BTAF1: variants seen among roughly 807,000 people sequenced by gnomAD.
BTAF1 encodes the protein TATA-binding protein-associated factor 172.
A neutral mutation model predicts 227.1 loss-of-function variants in BTAF1; 38 were observed. That is an observed-to-expected ratio of 0.17 (90% CI 0.13 to 0.22). BTAF1 has a LOEUF of 0.22. BTAF1 is among the 10% of genes least tolerant of loss of function. The pLI is 1.00. For missense variants in BTAF1, 1,598 were observed against 2,204.0 expected (o/e 0.73, Z 5.51); for synonymous variants, 742 against 751.9 (o/e 0.99, Z 0.21).
At chr10:91,989,905 G>A (rs972500511) in intron 20 of BTAF1, among the ~76,000 whole-genome samples, 19 of 152,170 alleles carry the variant, frequency 1.2e-4, no homozygotes, top group Non-Finnish European at 2.6e-4. Context: ...GCTAGAAAAG[G>A]TAATTGTATC....
chr10:92,012,089 C>CT (rs1850342074), intron 30 of BTAF1, among the ~76,000 whole-genome samples: 1 of 84,126 alleles, frequency 1.2e-5, no homozygotes, highest in Non-Finnish European at 2.4e-5. Context: ...TTCCCTCCCT[C>CT]CCTCCCCTCC....
intron 19 of BTAF1, among the ~76,000 whole-genome samples, chr10:91,988,393 C>A (rs1178324512): frequency 6.6e-6 from 1 of 152,036 alleles, no homozygotes; most frequent in Non-Finnish European, 1.5e-5. Context: ...AGCATTGTAA[C>A]CCTGTTTCAA....
At chr10:91,955,560 G>A (rs942932514) in intron 6 of BTAF1, among the ~76,000 whole-genome samples, 1 of 152,140 alleles carries the variant, frequency 6.6e-6, no homozygotes, top group Non-Finnish European at 1.5e-5. Flanking sequence ...AGATAGGAAG[G>A]TCTAGGAGGG....
chr10:91,935,447 G>C (rs1844545667), intron 1 of BTAF1, among the ~76,000 whole-genome samples: 1 of 152,102 alleles, frequency 6.6e-6, no homozygotes, highest in South Asian at 2.1e-4. Context: ...TGACTTCTCT[G>C]AGATCGACTT....
At chr10:91,985,786 A>C (rs548306355) in intron 19 of BTAF1, among the ~76,000 whole-genome samples, 1 of 152,102 alleles carries the variant, frequency 6.6e-6, no homozygotes, top group Non-Finnish European at 1.5e-5. Context: ...TCTTTTCAAA[A>C]TCTTGTCTAC....
chr10:91,973,105 T>C (rs994455535), intron 14 of BTAF1, among the ~76,000 whole-genome samples: 2 of 152,182 alleles, frequency 1.3e-5, no homozygotes, highest in African/African-American at 2.4e-5. Context: ...TTCTTAGTGT[T>C]GTTAAGTATT....
At position 92,011,426 on chromosome 10, in the gene BTAF1, A is replaced by G. The variant is rs542534401; in HGVS notation, c.4311+11A>G. ...GGAACACCAATCCAGGTAATTATTTATTATTATTTTTTTTAATTATTTTTA... is the reference window on the plus strand; with the variant it reads ...GGAACACCAATCCAGGTAATTATTTGTTATTATTTTTTTTAATTATTTTTA... On this transcript the variant is annotated intron_variant, in intron 30 of 37. Coordinates refer to ENST00000265990, the MANE Select transcript of BTAF1 (RefSeq NM_003972.3). The G allele has an allele frequency of 1.7e-6, 2 of 1,194,520 alleles. No individual in the cohort carries two copies. Among genetic ancestry groups the G allele is most frequent in the South Asian group, 5.7e-5 (2 of 35,056 alleles). The allele number at this position is 1,194,520 out of a possible 1,614,324, so 74.0% of individuals were successfully genotyped here. A position where few individuals can be genotyped will look rare whatever the true frequency, so the allele number is the denominator to read the frequency against.
intron 25 of BTAF1, among the ~76,000 whole-genome samples, chr10:91,999,776 T>C (rs1849387593): frequency 6.6e-6 from 1 of 152,202 alleles, no homozygotes; most frequent in Non-Finnish European, 1.5e-5. Flanking sequence ...TCATGTACTG[T>C]TATACTGCAA....
rs914820392 is a variant in BTAF1 at position 92,031,031 on chromosome 10, A to G, written c.*2098A>G. ...GATGATTTGGTAGTTTTTTCAATGTATGGGTGTGGGAAGTCAAACAAGCAT... is the reference window on the plus strand; with the variant it reads ...GATGATTTGGTAGTTTTTTCAATGTGTGGGTGTGGGAAGTCAAACAAGCAT... On this transcript the variant is annotated 3_prime_UTR_variant, in exon 38 of 38. Coordinates refer to ENST00000265990, the MANE Select transcript of BTAF1 (RefSeq NM_003972.3). Among the ~76,000 whole-genome samples the G allele has an allele frequency of 1.3e-5, 2 of 152,182 alleles. No homozygotes were observed. Among genetic ancestry groups the G allele is most frequent in the Non-Finnish European group, 2.9e-5 (2 of 68,024 alleles).
intron 23 of BTAF1, among the ~76,000 whole-genome samples, chr10:91,995,489 A>G (rs1269219166): frequency 6.6e-6 from 1 of 151,882 alleles, no homozygotes. Flanking sequence ...AGCCTGGCCA[A>G]TATGGTGAAA....
Position 92,028,943 on chromosome 10 carries a change from A to C in BTAF1, c.*10A>C. ...GCATTCTCTCAAGTAACTATCAAAT[A>C]TTGTAAATGCAATTGCTGCTAGTTC... On this transcript the variant is annotated 3_prime_UTR_variant, in exon 38 of 38. Transcript: ENST00000265990. The C allele has an allele frequency of 6.4e-7, 1 of 1,563,434 alleles. No individual in the cohort carries two copies. The highest frequency in any genetic ancestry group is 8.6e-7 in the Non-Finnish European group (1 of 1,158,008).
intron 6 of BTAF1, among the ~76,000 whole-genome samples, chr10:91,954,878 C>T (rs984822523): frequency 5.3e-5 from 8 of 152,102 alleles, no homozygotes; most frequent in African/African-American, 1.9e-4. Context: ...ATTCTTGGGT[C>T]CCACTCAGAT....
chr10:91,980,805 A>G (rs1848011230), intron 15 of BTAF1, among the ~76,000 whole-genome samples: 1 of 152,158 alleles, frequency 6.6e-6, no homozygotes, highest in African/African-American at 2.4e-5. Context: ...TGATAGCCTC[A>G]ATACAGAAAA....
chr10:91,968,183 CCT>C (rs1847060320), intron 14 of BTAF1, among the ~76,000 whole-genome samples: 1 of 152,128 alleles, frequency 6.6e-6, no homozygotes, highest in South Asian at 2.1e-4. Flanking sequence ...CCCAAAATCC[CCT>C]GTGTTCCACC....
chr10:91,937,935 C>T (rs1193980900), intron 2 of BTAF1, among the ~76,000 whole-genome samples: 1 of 152,192 alleles, frequency 6.6e-6, no homozygotes, highest in Non-Finnish European at 1.5e-5. Flanking sequence ...CTTGTCAATA[C>T]TTCTTGACTG....
intron 25 of BTAF1, 34 bp from the exon 26 acceptor site, chr10:92,008,089 G>T: frequency 6.5e-7 from 1 of 1,530,720 alleles, no homozygotes; most frequent in Non-Finnish European, 8.7e-7. Flanking sequence ...CTGTGAGTAC[G>T]TAGTTTTTAA....
intron 1 of BTAF1, among the ~76,000 whole-genome samples, chr10:91,924,607 A>G (rs1306203589): frequency 1.3e-5 from 2 of 152,208 alleles, no homozygotes; most frequent in Non-Finnish European, 2.9e-5. Context: ...GTTTGGCAGT[A>G]AACATTCCAA....
At chr10:91,978,817 T>G (rs1847874153) in intron 14 of BTAF1, among the ~76,000 whole-genome samples, 1 of 22,898 alleles carries the variant, frequency 4.4e-5, no homozygotes, top group African/African-American at 1.6e-4. Context: ...ATGGCTTGTT[T>G]TTTTTTTTTT....
At chr10:91,983,073 A>G (rs1015052238) in intron 18 of BTAF1, among the ~76,000 whole-genome samples, 1 of 152,188 alleles carries the variant, frequency 6.6e-6, no homozygotes, top group Non-Finnish European at 1.5e-5. Flanking sequence ...TCCAGAAACT[A>G]TTGGTCATCC....
Sources: allele counts gnomAD v4.1 joint callset (sites outside exome capture counted in the v4.1 genomes callset), GRCh38; gene constraint gnomAD v4.1.1; transcripts MANE v1.5; gene names NCBI Gene and HGNC (gene_info 2026-07-23, HGNC 2026-07-21).